The following NPAS3 variants were observed in gnomAD, a reference collection of about 807,000 sequenced individuals.
NPAS3 encodes the protein neuronal PAS domain protein 3.
In NPAS3, 14 loss-of-function variants were observed where a neutral mutation model predicts 73.1. The ratio of observed to expected loss-of-function variants is 0.19; its 90% CI spans 0.13 to 0.30. NPAS3 has a LOEUF of 0.30. NPAS3 is among the 10% of genes least tolerant of loss of function. NPAS3 has a pLI of 1.00. For missense variants in NPAS3, 1,096 were observed against 1,250.0 expected, an observed-to-expected ratio of 0.88 and a Z score of 1.86; for synonymous variants, 620 against 541.5, an observed-to-expected ratio of 1.14 and a Z score of -2.01.
chr14:33,720,391 G>A (rs558536969), intron 6 of NPAS3, among the ~76,000 whole-genome samples: 3 of 152,230 alleles, frequency 2.0e-5, no homozygotes, highest in South Asian at 2.1e-4. Flanking sequence ...ATCCAGGAAC[G>A]TATAATTAAG....
intron 4 of NPAS3, among the ~76,000 whole-genome samples, chr14:33,441,021 C>G: frequency 1.3e-5 from 2 of 152,292 alleles, no homozygotes; most frequent in South Asian, 4.1e-4. Context: ...CATAAAACCC[C>G]ACTGTCCTTA....
intron 2 of NPAS3, among the ~76,000 whole-genome samples, chr14:33,141,826 A>G (rs1000266512): frequency 1.3e-5 from 2 of 152,192 alleles, no homozygotes; most frequent in Admixed American, 6.5e-5. Flanking sequence ...TGAAGGCTGT[A>G]TACGATCTGA....
rs10133062 is a variant in NPAS3, at chr14:33,746,034, T to G, written c.852+10702T>G. 5.2e-3 allele frequency among the ~76,000 whole-genome samples: 790 copies of G among 152,252 alleles called. 10 individuals are homozygous for G. Among genetic ancestry groups the G allele is most frequent in the African/African-American group, 0.018 (763 of 41,554 alleles). ...ATATAGCCCGTAAGTCTCCATTGTT[T>G]GATTAGAGCATCTATATCCCAGAAA... On this transcript the variant is annotated intron_variant, in intron 7 of 11. Transcript: ENST00000356141.
chr14:33,688,118 C>T (rs1293013671), intron 6 of NPAS3, among the ~76,000 whole-genome samples: 1 of 152,126 alleles, frequency 6.6e-6, no homozygotes, highest in Non-Finnish European at 1.5e-5. Context: ...GGTACATGTG[C>T]AGGTTACATG....
intron 5 of NPAS3, among the ~76,000 whole-genome samples, chr14:33,660,427 G>C (rs1177019937): frequency 6.6e-6 from 1 of 152,112 alleles, no homozygotes; most frequent in Admixed American, 6.5e-5. Flanking sequence ...CACAAAAGTT[G>C]CCCGTAAATC....
At chr14:33,679,135 C>G (rs1031525755) in intron 6 of NPAS3, among the ~76,000 whole-genome samples, 15 of 152,204 alleles carry the variant, frequency 9.9e-5, no homozygotes, top group South Asian at 6.2e-4. Flanking sequence ...CTGCCTTCCA[C>G]ATCACTTGAC....
intron 7 of NPAS3, among the ~76,000 whole-genome samples, chr14:33,764,448 A>T (rs1408590607): frequency 6.6e-6 from 1 of 152,252 alleles, no homozygotes; most frequent in Non-Finnish European, 1.5e-5. Flanking sequence ...GAAAATATTT[A>T]CGTAATTTCT....
At chr14:33,720,471 A>AGAT (rs1436376909) in intron 6 of NPAS3, among the ~76,000 whole-genome samples, 1 of 152,206 alleles carries the variant, frequency 6.6e-6, no homozygotes, top group Non-Finnish European at 1.5e-5. Flanking sequence ...GTCAGGGATC[A>AGAT]GCTCCTGCTA....
chr14:33,460,574 A>T (rs997570241), intron 4 of NPAS3, among the ~76,000 whole-genome samples: 9 of 152,160 alleles, frequency 5.9e-5, no homozygotes, highest in African/African-American at 2.2e-4. Flanking sequence ...ACAACGTCCT[A>T]AATCTTTATA....
chr14:33,438,078 T>A (rs562120251), intron 4 of NPAS3, among the ~76,000 whole-genome samples: 4 of 152,194 alleles, frequency 2.6e-5, no homozygotes, highest in Non-Finnish European at 5.9e-5. Context: ...ATAATATATG[T>A]ATGTCAGTCA....
intron 4 of NPAS3, among the ~76,000 whole-genome samples, chr14:33,519,325 T>A (rs909779254): frequency 1.3e-5 from 2 of 152,146 alleles, no homozygotes; most frequent in African/African-American, 4.8e-5. Context: ...TTTCCTACTC[T>A]TCTCGTGCCC....
At chr14:33,493,207 T>A (rs551400428) in intron 4 of NPAS3, among the ~76,000 whole-genome samples, 2 of 152,248 alleles carry the variant, frequency 1.3e-5, no homozygotes, top group Middle Eastern at 3.4e-3. Flanking sequence ...TTTATGGTAT[T>A]TTGTGCATTT....
chr14:33,361,005 G>A (rs987262173), intron 3 of NPAS3, among the ~76,000 whole-genome samples: 1 of 152,116 alleles, frequency 6.6e-6, no homozygotes, highest in African/African-American at 2.4e-5. Flanking sequence ...GGAAGTGTGG[G>A]TTCTCTCACG....
intron 1 of NPAS3, among the ~76,000 whole-genome samples, chr14:32,955,027 A>G (rs2036619157): frequency 1.3e-5 from 2 of 152,158 alleles, no homozygotes; most frequent in South Asian, 4.1e-4. Context: ...TCTTATGGTC[A>G]TAATATATTC....
At chr14:33,393,621 G>A (rs1271364018) in intron 4 of NPAS3, among the ~76,000 whole-genome samples, 1 of 152,124 alleles carries the variant, frequency 6.6e-6, no homozygotes, top group Non-Finnish European at 1.5e-5. Flanking sequence ...TTAATTTCCA[G>A]GGTTGCAGCT....
intron 5 of NPAS3, among the ~76,000 whole-genome samples, chr14:33,667,473 A>G (rs1011747939): frequency 6.6e-5 from 10 of 152,148 alleles, no homozygotes; most frequent in African/African-American, 2.2e-4. Context: ...GGAATGAGCC[A>G]TTTCTTTTGA....
intron 5 of NPAS3, among the ~76,000 whole-genome samples, chr14:33,593,044 C>G (rs73270988): frequency 5.3e-5 from 8 of 152,050 alleles, no homozygotes; most frequent in Non-Finnish European, 1.0e-4. Context: ...TTGCATACCC[C>G]ATTTATAGTA....
At chr14:33,241,517 G>C (rs1327024521) in intron 3 of NPAS3, among the ~76,000 whole-genome samples, 1 of 151,898 alleles carries the variant, frequency 6.6e-6, no homozygotes, top group Non-Finnish European at 1.5e-5. Context: ...GAATGAAATG[G>C]AGCCCTTTTG....
intron 6 of NPAS3, among the ~76,000 whole-genome samples, chr14:33,678,897 A>G (rs955958132): frequency 1.3e-5 from 2 of 152,216 alleles, no homozygotes; most frequent in African/African-American, 4.8e-5. Flanking sequence ...CCTAGCATGC[A>G]TAAAATAACC....
Sources: gnomAD v4.1 joint callset for allele counts (sites outside exome capture counted in the v4.1 genomes callset) on GRCh38, gnomAD v4.1.1 for gene constraint, MANE v1.5 for transcripts, NCBI Gene and HGNC (gene_info 2026-07-23, HGNC 2026-07-21) for gene names.